The following KANK1 variants were observed in gnomAD, a reference collection of about 807,000 sequenced individuals.
The protein encoded by KANK1 is KN motif and ankyrin repeat domain-containing protein 1.
Under a neutral mutation model 106.2 loss-of-function variants are expected in KANK1, and 109 were observed. The observed-to-expected ratio is 1.03, with a 90% CI of 0.88 to 1.20. The LOEUF (loss-of-function observed/expected upper bound fraction) is 1.20. Among genes scored for constraint, KANK1 ranks in the 50% most tolerant of loss-of-function variants. The probability of loss-of-function intolerance (pLI) is 0.00; values close to 1 mark genes in which losing one functional copy is unlikely to be tolerated. For synonymous variants in KANK1, 873 were observed against 652.2 expected (o/e 1.34, Z -5.16); for missense variants, 2,399 against 1,710.7 (o/e 1.40, Z -7.10).
At chr9:486,647 T>G (rs1029239176) in intron 3 of KANK1, among the ~76,000 whole-genome samples, 1 of 152,196 alleles carries the variant, frequency 6.6e-6, no homozygotes, top group Non-Finnish European at 1.5e-5. Flanking sequence ...TAAATAAAAA[T>G]TAATCTAACA....
At chr9:515,249 G>A (rs955503497) in intron 1 of KANK1, among the ~76,000 whole-genome samples, 3 of 151,248 alleles carry the variant, frequency 2.0e-5, no homozygotes, top group Non-Finnish European at 4.4e-5. Flanking sequence ...GGAGGCTGAG[G>A]CAGGAGAATG....
chr9:596,103 G>A (rs983018947), intron 1 of KANK1, among the ~76,000 whole-genome samples: 3 of 151,668 alleles, frequency 2.0e-5, no homozygotes, highest in African/African-American at 7.3e-5. Context: ...TAATAATTTT[G>A]TGCATGAAAT....
At chr9:554,848 A>T (rs944300336) in intron 1 of KANK1, among the ~76,000 whole-genome samples, 6 of 152,216 alleles carry the variant, frequency 3.9e-5, no homozygotes, top group African/African-American at 1.4e-4. Flanking sequence ...GTGAAAATTT[A>T]AAAAACGAGA....
intron 1 of KANK1, chr9:674,400 AG>A (rs61330660): frequency 0.032 from 4,596 of 144,530 alleles, 227 homozygotes; most frequent in African/African-American, 0.1. Context: ...AAAAAAAAAA[AG>A]AGAGAGAGAA....
At chr9:653,041 C>T (rs1393945339) in intron 1 of KANK1, among the ~76,000 whole-genome samples, 1 of 152,192 alleles carries the variant, frequency 6.6e-6, no homozygotes, top group Non-Finnish European at 1.5e-5. Flanking sequence ...TGAGGCAAGA[C>T]CTGTGTCCTG....
chr9:598,620 C>CTTTTT lies in KANK1; in HGVS notation c.-83-78244_-83-78240dup, dbSNP rs3028166. 1.6e-3 allele frequency among the ~76,000 whole-genome samples: 75 copies of CTTTTT among 46,684 alleles called. 4 individuals carry two copies. The highest frequency in any genetic ancestry group is 1.8e-3 in the Non-Finnish European group (42 of 23,156). 30.6% of individuals were successfully genotyped at this position (46,684 alleles called of 152,430 possible). Reference sequence around the variant, plus strand: ...TTTTTTGTTTTGTTTTGTTGGTTTTCTTTTTTTTTTTTTTTTTTTTTTTTT... The same window carrying CTTTTT: ...TTTTTTGTTTTGTTTTGTTGGTTTTCTTTTTTTTTTTTTTTTTTTTTTTTTTTTTT... On this transcript the variant is annotated intron_variant, in intron 1 of 11. Transcript: ENST00000382297.
At chr9:628,211 T>C (rs1014566271) in intron 1 of KANK1, among the ~76,000 whole-genome samples, 13 of 152,218 alleles carry the variant, frequency 8.5e-5, no homozygotes, top group Non-Finnish European at 1.5e-5. Flanking sequence ...AGCCTCAGCC[T>C]GCTCGTCTTC....
chr9:691,611 A>ATTTTTTTTTTTTT lies in KANK1; in HGVS notation c.37+14609_37+14621dup, dbSNP rs767618077. On this transcript the variant is annotated intron_variant, in intron 2 of 11. Coordinates refer to ENST00000382297, the MANE Select transcript of KANK1 (RefSeq NM_015158.5). ...AATAATGTAACTAAATAATACCAGA[A>ATTTTTTTTTTTTT]TTTTTTTTTTTTTTTTTTTGAGACC... 2.6e-3 allele frequency among the ~76,000 whole-genome samples: 184 copies of ATTTTTTTTTTTTT among 71,016 alleles called. 6 individuals are homozygous for ATTTTTTTTTTTTT. The highest frequency in any genetic ancestry group is 6.9e-3 in the African/African-American group (149 of 21,580). 46.6% of individuals were successfully genotyped at this position (71,016 alleles called of 152,430 possible). A position where few individuals can be genotyped will look rare whatever the true frequency, so the allele number is the denominator to read the frequency against.
chr9:513,683 T>A (rs764007444), intron 1 of KANK1, among the ~76,000 whole-genome samples: 4 of 152,236 alleles, frequency 2.6e-5, no homozygotes, highest in Non-Finnish European at 5.9e-5. Flanking sequence ...GGCTAAATTT[T>A]TTCAGATTTC....
upstream of KANK1, among the ~76,000 whole-genome samples, chr9:502,210 T>A (rs56126601): frequency 0.19 from 27,221 of 144,188 alleles, 5,318 homozygotes; most frequent in African/African-American, 0.51. Flanking sequence ...GGGGAGTGAC[T>A]AATGGGTATG....
rs570606435 is a variant in KANK1 at position 678,603 on chromosome 9, C to T, written c.37+1594C>T. On this transcript the variant is annotated intron_variant, in intron 2 of 11. Transcript: ENST00000382297. ...ATTAGCCAGGCATGGTGGCGCATGC[C>T]TGTAATCCCAGCTACTTAGGAGGCT... Among the ~76,000 whole-genome samples, 24 of 152,228 alleles carry T rather than the reference C, an allele frequency of 1.6e-4. No homozygotes were observed. The East Asian group carries it at 4.2e-3, about 27-fold the overall frequency.
chr9:587,182 C>T (rs1476954101), intron 1 of KANK1, among the ~76,000 whole-genome samples: 1 of 152,058 alleles, frequency 6.6e-6, no homozygotes, highest in South Asian at 2.1e-4. Context: ...ATGAAGTTGT[C>T]ATGTTTGTTT....
At chr9:648,076 T>C (rs1840091112) in intron 1 of KANK1, among the ~76,000 whole-genome samples, 1 of 146,624 alleles carries the variant, frequency 6.8e-6, no homozygotes, top group African/African-American at 2.7e-5. Context: ...CAATCTTGGC[T>C]CACTGCAACC....
intron 1 of KANK1, among the ~76,000 whole-genome samples, chr9:526,067 A>G (rs571828350): frequency 2.0e-5 from 3 of 150,824 alleles, no homozygotes; most frequent in Admixed American, 6.6e-5. Context: ...TCTGAGGAGA[A>G]TGGGGCCTTT....
At chr9:737,958 C>T (rs112223861) in intron 7 of KANK1, among the ~76,000 whole-genome samples, 1 of 152,152 alleles carries the variant, frequency 6.6e-6, no homozygotes, top group Non-Finnish European at 1.5e-5. Flanking sequence ...GATGAGGAAA[C>T]GGAAGCAGAA....
At chr9:519,211 C>G (rs1414046748) in intron 1 of KANK1, among the ~76,000 whole-genome samples, 1 of 151,658 alleles carries the variant, frequency 6.6e-6, no homozygotes, top group African/African-American at 2.4e-5. Flanking sequence ...TTACTAGGCA[C>G]CTTATAATTG....
chr9:500,985 T>C (rs902326430), upstream of KANK1, among the ~76,000 whole-genome samples: 15 of 152,226 alleles, frequency 9.9e-5, no homozygotes, highest in African/African-American at 3.4e-4. Context: ...TGAATGACTT[T>C]CTTCCTCCAA....
intron 1 of KANK1, among the ~76,000 whole-genome samples, chr9:522,128 C>T (rs184758995): frequency 7.2e-5 from 11 of 151,744 alleles, no homozygotes; most frequent in Admixed American, 5.9e-4. Context: ...ATTGCTTTGA[C>T]CAAATTTATA....
intron 1 of KANK1, among the ~76,000 whole-genome samples, chr9:513,655 T>C (rs1011398204): frequency 3.3e-5 from 5 of 152,264 alleles, no homozygotes; most frequent in Non-Finnish European, 5.9e-5. Flanking sequence ...TTGTGTTTGA[T>C]ATCTGCATAA....
Sources: allele counts gnomAD v4.1 joint callset (sites outside exome capture counted in the v4.1 genomes callset), GRCh38; gene constraint gnomAD v4.1.1; transcripts MANE v1.5; gene names NCBI Gene and HGNC (gene_info 2026-07-23, HGNC 2026-07-21).